The following SSR1 variants were observed in gnomAD, a reference collection of about 807,000 sequenced individuals.
SSR1 encodes the protein signal sequence receptor subunit 1.
A neutral mutation model predicts 36.1 loss-of-function variants in SSR1; 13 were observed. That is an observed-to-expected ratio of 0.36 (90% CI 0.23 to 0.57). The LOEUF (loss-of-function observed/expected upper bound fraction) is 0.57. Among genes scored for constraint, SSR1 ranks in the 20% least tolerant of loss-of-function variants. SSR1 has a pLI of 0.81. For missense variants in SSR1, 291 were observed against 338.5 expected (o/e 0.86, Z 1.10); for synonymous variants, 113 against 118.9 (o/e 0.95, Z 0.32).
At position 7,312,934 on chromosome 6, in the gene SSR1, G is replaced by A; in HGVS notation, c.79+108C>T. The A allele has an allele frequency of 3.5e-6, 4 of 1,130,814 alleles. No individual in the cohort carries two copies. The South Asian group carries it at 4.0e-5, about 11-fold the overall frequency. The allele number at this position is 1,130,814 out of a possible 1,614,324, so 70.0% of individuals were successfully genotyped here. The stretch of plus-strand genomic sequence containing the variant: ...GAGAGGGCGGAGAGAGGCCAGCGGG[G>A]TGGACGCGGACCCCAGGACCCGGAG... On this transcript the variant is annotated intron_variant, in intron 1 of 7. Transcript: ENST00000244763.
At chr6:7,306,169 C>T (rs147767825) in intron 2 of SSR1, among the ~76,000 whole-genome samples, 6,606 of 152,224 alleles carry the variant, frequency 0.043, 193 homozygotes, top group Non-Finnish European at 0.063. Context: ...GCTCTGTTGC[C>T]CAGGCTGGAG....
chr6:7,309,451 G>A (rs1277244437), intron 2 of SSR1, among the ~76,000 whole-genome samples: 1 of 152,214 alleles, frequency 6.6e-6, no homozygotes, highest in Admixed American at 6.5e-5. Flanking sequence ...AACAGAGCAA[G>A]TCTCTGTCTC....
chr6:7,298,111 G>A (rs977586266), intron 5 of SSR1, 110 bp from the exon 6 acceptor site: 19 of 781,858 alleles, frequency 2.4e-5, no homozygotes, highest in Admixed American at 2.1e-4. Flanking sequence ...AACTTGTGGC[G>A]AAAAGGAATA....
chr6:7,297,424 G>A (rs927361094), intron 6 of SSR1, among the ~76,000 whole-genome samples: 2 of 152,086 alleles, frequency 1.3e-5, no homozygotes, highest in Admixed American at 6.5e-5. Context: ...AATTGTATGT[G>A]TGTATGAAAG....
At position 7,287,751 on chromosome 6, in the gene SSR1, A is replaced by G. The variant is rs1404143034; in HGVS notation, c.*2113T>C. ...AAAGAAAAACTTCATCCAAATATTT[A>G]CATTTTAAAAAGACATTTAAAAAAT... On this transcript the variant is annotated 3_prime_UTR_variant, in exon 8 of 8. Coordinates refer to ENST00000244763, the MANE Select transcript of SSR1 (RefSeq NM_003144.5). 6.6e-6 allele frequency: 1 copy of G among 152,666 alleles called. No individual in the cohort carries two copies. The highest frequency in any genetic ancestry group is 1.5e-5 in the Non-Finnish European group (1 of 68,032). 9.5% of individuals were successfully genotyped at this position (152,666 alleles called of 1,614,324 possible).
chr6:7,312,646 C>T (rs777186498), intron 1 of SSR1, among the ~76,000 whole-genome samples: 12 of 152,208 alleles, frequency 7.9e-5, no homozygotes, highest in Non-Finnish European at 1.8e-4. Flanking sequence ...TGGAGCGGAG[C>T]CGGAGGTGGC....
intron 3 of SSR1, among the ~76,000 whole-genome samples, chr6:7,301,786 T>A (rs774291310): frequency 6.6e-6 from 1 of 152,154 alleles, no homozygotes; most frequent in Non-Finnish European, 1.5e-5. Flanking sequence ...CACTCCCACA[T>A]AAGCATTCAA....
At chr6:7,290,434 G>T (rs1218850302) in intron 7 of SSR1, among the ~76,000 whole-genome samples, 2 of 152,080 alleles carry the variant, frequency 1.3e-5, no homozygotes, top group Non-Finnish European at 2.9e-5. Context: ...TCTCAGTAGG[G>T]TCTATTTAAC....
chr6:7,298,103 C>A, intron 5 of SSR1, 102 bp from the exon 6 acceptor site: 1 of 864,184 alleles, frequency 1.2e-6, no homozygotes, highest in Non-Finnish European at 1.7e-6. Flanking sequence ...TTCCAAATAA[C>A]TTGTGGCGAA....
At chr6:7,299,608 G>T (rs527393999) in intron 4 of SSR1, among the ~76,000 whole-genome samples, 1 of 150,860 alleles carries the variant, frequency 6.6e-6, no homozygotes, top group South Asian at 2.1e-4. Context: ...TGAGGCAGGA[G>T]AATCACTTGT....
intron 3 of SSR1, among the ~76,000 whole-genome samples, chr6:7,302,858 G>T (rs1757967434): frequency 6.6e-6 from 1 of 152,122 alleles, no homozygotes; most frequent in African/African-American, 2.4e-5. Context: ...GTGACAAAGG[G>T]CCAGACGCGG....
At chr6:7,293,113 G>A (rs956674024) in intron 7 of SSR1, among the ~76,000 whole-genome samples, 19 of 151,660 alleles carry the variant, frequency 1.3e-4, no homozygotes, top group Admixed American at 9.8e-4. Flanking sequence ...CTGAGGAACC[G>A]GTGGATACAA....
intron 4 of SSR1, 193 bp from the exon 5 acceptor site, chr6:7,299,016 A>C (rs1561832044): frequency 3.5e-6 from 2 of 571,076 alleles, no homozygotes; most frequent in Non-Finnish European, 6.2e-6. Context: ...ACATGAAATA[A>C]AGTCTCTGGG....
intron 2 of SSR1, 59 bp downstream of exon 2, chr6:7,309,858 A>T: frequency 7.5e-7 from 1 of 1,325,054 alleles, no homozygotes. Context: ...TAGCAGCATG[A>T]GAACAGATGA....
chr6:7,306,883 C>T (rs1036415890), intron 2 of SSR1, among the ~76,000 whole-genome samples: 17 of 146,254 alleles, frequency 1.2e-4, no homozygotes, highest in East Asian at 6.3e-4. Context: ...CGCCACTGCA[C>T]TCCAGCCTGG....
At chr6:7,308,803 G>A (rs1228483918) in intron 2 of SSR1, among the ~76,000 whole-genome samples, 1 of 152,108 alleles carries the variant, frequency 6.6e-6, no homozygotes, top group Non-Finnish European at 1.5e-5. Context: ...CCAGCACCAA[G>A]AACAGTGCCT....
In SSR1 at chr6:7,282,181, TAGA is replaced by T. The variant is rs969235090; in HGVS notation, c.*7680_*7682del. 2 of 152,132 alleles carry T rather than the reference TAGA, an allele frequency of 1.3e-5. No homozygotes were observed. Among genetic ancestry groups the T allele is most frequent in the South Asian group, 2.1e-4 (1 of 4,816 alleles). 9.4% of individuals were successfully genotyped at this position (152,132 alleles called of 1,614,324 possible). ...AGGCTTTTGTGGGCAGAAGCCATAT[TAGA>T]AGAAGAGCTAAAGGAAAGCTGAAAA... On this transcript the variant is annotated 3_prime_UTR_variant, in exon 8 of 8. Coordinates refer to ENST00000244763, the MANE Select transcript of SSR1 (RefSeq NM_003144.5).
chr6:7,302,058 G>C (rs1757947500), intron 3 of SSR1, among the ~76,000 whole-genome samples: 1 of 152,084 alleles, frequency 6.6e-6, no homozygotes, highest in Non-Finnish European at 1.5e-5. Flanking sequence ...TAATCAAAAT[G>C]CAAATTTGAA....
At chr6:7,296,645 G>GGAGGGAAGGAAAGGAGGAGGGTGAGT (rs776735345) in intron 6 of SSR1, among the ~76,000 whole-genome samples, 11 of 150,524 alleles carry the variant, frequency 7.3e-5, no homozygotes, top group East Asian at 2.0e-4. Context: ...TTTGTAGGCT[G>GGAGGGAAGGAAAGGAGGAGGGTGAGT]GAGGGAAGGA....
Sources: gnomAD v4.1 joint callset for allele counts (sites outside exome capture counted in the v4.1 genomes callset) on GRCh38, gnomAD v4.1.1 for gene constraint, MANE v1.5 for transcripts, NCBI Gene and HGNC (gene_info 2026-07-23, HGNC 2026-07-21) for gene names.